The following NRCAM variants were observed in gnomAD, a reference collection of about 807,000 sequenced individuals.
The protein encoded by NRCAM is NgCAM-related cell adhesion molecule.
NRCAM carries 83 observed loss-of-function variants against 156.5 expected under a neutral mutation model. The ratio of observed to expected loss-of-function variants is 0.53; its 90% confidence interval spans 0.44 to 0.64. NRCAM has a LOEUF of 0.64. NRCAM is among the 30% of genes least tolerant of loss of function. NRCAM has a pLI of 0.00. For synonymous variants in NRCAM, 538 were observed against 563.9 expected (o/e 0.95, Z 0.65); for missense variants, 1,417 against 1,597.3 (o/e 0.89, Z 1.92).
chr7:108,319,609 C>T (rs925003892), intron 2 of NRCAM, among the ~76,000 whole-genome samples: 3 of 152,054 alleles, frequency 2.0e-5, no homozygotes, highest in Non-Finnish European at 2.9e-5. Flanking sequence ...TCTAAAAATA[C>T]CAATTTTGAA....
intron 23 of NRCAM, 76 bp from the exon 24 acceptor site, chr7:108,182,013 T>C: frequency 1.7e-6 from 2 of 1,153,090 alleles, no homozygotes; most frequent in South Asian, 1.3e-5. Context: ...CTCTCTCTAA[T>C]AATTTTGGCT....
chr7:108,415,037 G>A (rs1160717434), intron 1 of NRCAM, among the ~76,000 whole-genome samples: 1 of 152,126 alleles, frequency 6.6e-6, no homozygotes, highest in Non-Finnish European at 1.5e-5. Flanking sequence ...TACCACAGAA[G>A]AGATGAAAAA....
chr7:108,358,172 C>T (rs1475374622), intron 2 of NRCAM, among the ~76,000 whole-genome samples: 1 of 149,920 alleles, frequency 6.7e-6, no homozygotes, highest in Non-Finnish European at 1.5e-5. Context: ...CTGTGAGAGG[C>T]CAAGGCAGGA....
chr7:108,268,625 T>TGGGG (rs1198260679), intron 3 of NRCAM, among the ~76,000 whole-genome samples: 4 of 49,080 alleles, frequency 8.1e-5, no homozygotes, highest in South Asian at 2.1e-3. Context: ...GGGGTGGGGG[T>TGGGG]GGGGGGGGGT....
At chr7:108,227,386 C>T (rs1474569838) in intron 8 of NRCAM, among the ~76,000 whole-genome samples, 3 of 152,200 alleles carry the variant, frequency 2.0e-5, no homozygotes, top group Non-Finnish European at 4.4e-5. Context: ...TTTCAATACA[C>T]ATATACATTG....
chr7:108,320,116 T>C (rs1303379565), intron 2 of NRCAM, among the ~76,000 whole-genome samples: 4 of 152,002 alleles, frequency 2.6e-5, no homozygotes, highest in Admixed American at 1.3e-4. Context: ...TAAAAAATTA[T>C]TAACAGCACT....
intron 2 of NRCAM, among the ~76,000 whole-genome samples, chr7:108,379,795 T>C (rs558331500): frequency 6.6e-6 from 1 of 152,168 alleles, no homozygotes; most frequent in African/African-American, 2.4e-5. Context: ...AAAGAGAGTA[T>C]TATTTTAGAA....
Position 108,149,838 on chromosome 7 carries a change from T to G in NRCAM, c.*72A>C, listed in dbSNP as rs1176978022. On this transcript the variant is annotated 3_prime_UTR_variant, in exon 33 of 33. Coordinates refer to ENST00000379028, the MANE Select transcript of NRCAM (RefSeq NM_001037132.4). ...ACTCTCTACCCATATGTTCATAGTA[T>G]GAGAGGGCTGACAAACAAGTGCTTA... The G allele has an allele frequency of 8.3e-7, 1 of 1,209,298 alleles. No homozygotes were observed. Among genetic ancestry groups the G allele is most frequent in the Non-Finnish European group, 1.2e-6 (1 of 841,488 alleles). The allele number at this position is 1,209,298 out of a possible 1,614,324, so 74.9% of individuals were successfully genotyped here.
At chr7:108,433,140 G>A (rs1827796735) in intron 1 of NRCAM, among the ~76,000 whole-genome samples, 1 of 152,104 alleles carries the variant, frequency 6.6e-6, no homozygotes, top group African/African-American at 2.4e-5. Context: ...TCCTGCTTCT[G>A]TGCTTCTGTG....
rs529756541 is a variant in NRCAM, at chr7:108,177,352, A to G, written c.2974+638T>C. On this transcript the variant is annotated intron_variant, in intron 26 of 32. Coordinates refer to ENST00000379028, the MANE Select transcript of NRCAM (RefSeq NM_001037132.4). Reference sequence around the variant, plus strand: ...ATCAGTTAAAGGGAAGGCTGGGCGCAGTGGCTCACGCCTGTAATCCCAGCA... The same window carrying G: ...ATCAGTTAAAGGGAAGGCTGGGCGCGGTGGCTCACGCCTGTAATCCCAGCA... Among the ~76,000 whole-genome samples, 322 of 152,254 alleles carry G rather than the reference A, an allele frequency of 2.1e-3. 1 individual carries two copies. Among genetic ancestry groups the G allele is most frequent in the African/African-American group, 4.9e-3 (204 of 41,548 alleles).
intron 2 of NRCAM, among the ~76,000 whole-genome samples, chr7:108,336,634 G>A (rs1283226585): frequency 6.6e-6 from 1 of 152,140 alleles, no homozygotes; most frequent in Non-Finnish European, 1.5e-5. Flanking sequence ...GATTTTATCT[G>A]AGGAAACCCA....
At chr7:108,425,953 G>C (rs2395997) in intron 1 of NRCAM, among the ~76,000 whole-genome samples, 136,874 of 152,268 alleles carry the variant, frequency 0.9, 61,994 homozygotes, top group East Asian at 1. Context: ...TTCGAGTCTA[G>C]AGCAACTGGC....
chr7:108,205,021 G>A (rs904576004), intron 13 of NRCAM, among the ~76,000 whole-genome samples: 2 of 152,146 alleles, frequency 1.3e-5, no homozygotes, highest in African/African-American at 4.8e-5. Flanking sequence ...GATTTACAAG[G>A]TTCCCTCAGA....
intron 1 of NRCAM, among the ~76,000 whole-genome samples, chr7:108,414,043 G>A (rs761045490): frequency 5.3e-5 from 8 of 152,164 alleles, no homozygotes; most frequent in African/African-American, 1.9e-4. Flanking sequence ...ACATTCCAAC[G>A]AAGCACCCTG....
chr7:108,409,379 C>T (rs552183987), intron 1 of NRCAM, among the ~76,000 whole-genome samples: 1 of 152,342 alleles, frequency 6.6e-6, no homozygotes, highest in African/African-American at 2.4e-5. Flanking sequence ...CTCCTACGAA[C>T]AGTCTGTGAC....
chr7:108,337,303 C>A (rs2099207522), intron 2 of NRCAM, among the ~76,000 whole-genome samples: 1 of 151,976 alleles, frequency 6.6e-6, no homozygotes, highest in Non-Finnish European at 1.5e-5. Context: ...TCTTTGGGTC[C>A]CCTCCCTTTG....
At chr7:108,382,715 G>A (rs1328060114) in intron 2 of NRCAM, among the ~76,000 whole-genome samples, 1 of 152,116 alleles carries the variant, frequency 6.6e-6, no homozygotes, top group Non-Finnish European at 1.5e-5. Context: ...ATTAAGCAAG[G>A]ACAGGAACAG....
At chr7:108,403,966 C>T (rs2099800356) in intron 1 of NRCAM, among the ~76,000 whole-genome samples, 2 of 152,052 alleles carry the variant, frequency 1.3e-5, no homozygotes, top group Admixed American at 6.6e-5. Context: ...AGTCTCACAC[C>T]GAAGGGCTTT....
chr7:108,274,844 T>C (rs556406833), intron 3 of NRCAM, among the ~76,000 whole-genome samples: 82 of 152,362 alleles, frequency 5.4e-4, no homozygotes, highest in African/African-American at 1.9e-3. Context: ...CTTCCAGTTT[T>C]TGCCCATTCA....
Sources: allele counts gnomAD v4.1 joint callset (sites outside exome capture counted in the v4.1 genomes callset), GRCh38; gene constraint gnomAD v4.1.1; transcripts MANE v1.5; gene names NCBI Gene and HGNC (gene_info 2026-07-23, HGNC 2026-07-21).